MYO1D: variants seen among roughly 807,000 people sequenced by gnomAD.
The protein encoded by MYO1D is unconventional myosin-Id.
A neutral mutation model predicts 122.0 loss-of-function variants in MYO1D; 83 were observed. The observed-to-expected ratio is 0.68, with a 90% CI of 0.57 to 0.82. The LOEUF is 0.82. Ranked by LOEUF, MYO1D falls within the 40% of genes least tolerant of loss-of-function variation. The pLI is 0.00. For synonymous variants in MYO1D, 464 were observed against 446.9 expected, an observed-to-expected ratio of 1.04 and a Z score of -0.48; for missense variants, 1,157 against 1,269.5, an observed-to-expected ratio of 0.91 and a Z score of 1.35.
chr17:32,876,292 GAAGA>G (rs1358946831), intron 1 of MYO1D, among the ~76,000 whole-genome samples: 1 of 152,040 alleles, frequency 6.6e-6, no homozygotes, highest in African/African-American at 2.4e-5. Flanking sequence ...AAAGAAGGGC[GAAGA>G]AAGAAAGAAA....
chr17:32,826,916 A>G (rs1232867950), intron 1 of MYO1D, among the ~76,000 whole-genome samples: 2 of 152,230 alleles, frequency 1.3e-5, no homozygotes, highest in Non-Finnish European at 2.9e-5. Flanking sequence ...ATGGGAATGT[A>G]AAATATAAAA....
intron 16 of MYO1D, among the ~76,000 whole-genome samples, chr17:32,695,324 G>A (rs944264352): frequency 3.0e-4 from 45 of 152,218 alleles, no homozygotes; most frequent in Non-Finnish European, 5.1e-4. Context: ...CGGAGCTCAG[G>A]TGGTAATGTT....
At position 32,719,912 on chromosome 17, in the gene MYO1D, C is replaced by T. The variant is rs151049086; in HGVS notation, c.1913+1111G>A. Reference sequence around the variant, plus strand: ...TGGACTACATTTGGCATCTAAAATGCCTCACTTACTACCACAATAGAGCCT... The same window carrying T: ...TGGACTACATTTGGCATCTAAAATGTCTCACTTACTACCACAATAGAGCCT... On this transcript the variant is annotated intron_variant, in intron 15 of 21. Coordinates refer to ENST00000318217, the MANE Select transcript of MYO1D (RefSeq NM_015194.3). 1.2e-3 allele frequency among the ~76,000 whole-genome samples: 188 copies of T among 152,292 alleles called. 1 individual carries two copies. Among genetic ancestry groups the T allele is most frequent in the Middle Eastern group, 0.01 (3 of 294 alleles).
chr17:32,764,333 A>G (rs2090032583), intron 8 of MYO1D, among the ~76,000 whole-genome samples: 1 of 152,208 alleles, frequency 6.6e-6, no homozygotes, highest in Non-Finnish European at 1.5e-5. Flanking sequence ...GACAGGAAGA[A>G]TAATTTGTGG....
At chr17:32,657,252 T>A (rs2088490220) in intron 17 of MYO1D, among the ~76,000 whole-genome samples, 1 of 152,238 alleles carries the variant, frequency 6.6e-6, no homozygotes, top group South Asian at 2.1e-4. Context: ...AATGTTACAA[T>A]CACAGTAGAA....
intron 20 of MYO1D, 28 bp downstream of exon 20, chr17:32,638,694 T>A (rs2088143202): frequency 1.3e-6 from 2 of 1,506,010 alleles, no homozygotes; most frequent in African/African-American, 2.7e-5. Flanking sequence ...TAAGAATCTT[T>A]ATCCAGAGAG....
At chr17:32,816,349 C>T (rs79459624) in intron 1 of MYO1D, among the ~76,000 whole-genome samples, 2,255 of 152,186 alleles carry the variant, frequency 0.015, 44 homozygotes, top group African/African-American at 0.048. Context: ...CTGAGACAAA[C>T]GCAGGGCCCA....
At chr17:32,768,484 C>T (rs970816320) in intron 6 of MYO1D, among the ~76,000 whole-genome samples, 7 of 152,180 alleles carry the variant, frequency 4.6e-5, no homozygotes, top group Admixed American at 2.0e-4. Flanking sequence ...CAGCAGCAGC[C>T]GCAGAGGCTT....
intron 21 of MYO1D, among the ~76,000 whole-genome samples, chr17:32,511,335 C>T (rs1909690401): frequency 6.6e-6 from 1 of 152,034 alleles, no homozygotes. Context: ...GCAATCCTTC[C>T]ATTTCAGCCA....
intron 19 of MYO1D, among the ~76,000 whole-genome samples, chr17:32,643,018 C>T (rs1327321493): frequency 6.6e-6 from 1 of 152,192 alleles, no homozygotes; most frequent in Admixed American, 6.5e-5. Context: ...AAAGGGAATG[C>T]TTCCACTTTT....
intron 8 of MYO1D, 147 bp from the exon 9 acceptor site, chr17:32,760,774 T>G: frequency 1.2e-6 from 1 of 817,004 alleles, no homozygotes; most frequent in African/African-American, 1.7e-5. Flanking sequence ...AAATGTAGAC[T>G]GTCCATTTAA....
At chr17:32,535,357 C>T (rs527553816) in intron 21 of MYO1D, among the ~76,000 whole-genome samples, 37 of 152,314 alleles carry the variant, frequency 2.4e-4, no homozygotes, top group South Asian at 4.1e-4. Context: ...GCACTTGCAA[C>T]GTAAACCATG....
At chr17:32,721,249 A>C (rs994570536) in intron 14 of MYO1D, 60 bp from the exon 15 acceptor site, 10 of 1,490,100 alleles carry the variant, frequency 6.7e-6, no homozygotes, top group Non-Finnish European at 9.3e-6. Context: ...AGCTAGGGAC[A>C]CTAACATGTA....
Position 32,639,361 on chromosome 17 carries a change from TTTTGTGTGTG to T in MYO1D, c.2596-536_2596-527del, listed in dbSNP as rs1331885049. On this transcript the variant is annotated intron_variant, in intron 19 of 21. Transcript: ENST00000318217. ...AACTAGATTATGAGATTGGGAGAAA[TTTTGTGTGTG>T]TGTGTGTGTGTGTGTGTGTGTGTGT... Among the ~76,000 whole-genome samples, 433 of 65,720 alleles carry T rather than the reference TTTTGTGTGTG, an allele frequency of 6.6e-3. 8 individuals are homozygous for T. The highest frequency in any genetic ancestry group is 0.017 in the African/African-American group (394 of 23,226). The allele number at this position is 65,720 out of a possible 152,430, so 43.1% of individuals were successfully genotyped here.
rs141937962 is a variant in MYO1D at position 32,664,991 on chromosome 17, C to T, written c.2122-5653G>A. Among the ~76,000 whole-genome samples, 98 of 152,220 alleles carry T rather than the reference C, an allele frequency of 6.4e-4. 1 individual carries two copies. The East Asian group carries it at 0.017, about 27-fold the overall frequency. ...CGCTGTCCTCTCCCCTGCTCGCTCC[C>T]GCCATACTGGCCTCCCTGCTGGACC... is the stretch of plus-strand genomic sequence containing the variant. On this transcript the variant is annotated intron_variant, in intron 16 of 21. Transcript: ENST00000318217.
At chr17:32,804,215 GTTGTTATACTAT>G (rs2090487472) in intron 1 of MYO1D, among the ~76,000 whole-genome samples, 1 of 152,090 alleles carries the variant, frequency 6.6e-6, no homozygotes, top group Non-Finnish European at 1.5e-5. Context: ...GATGTAAACA[GTTGTTATACTAT>G]ATTTTGGGGG....
chr17:32,835,095 A>G lies in MYO1D; in HGVS notation c.95+41683T>C, dbSNP rs188028941. On this transcript the variant is annotated intron_variant, in intron 1 of 21. Transcript: ENST00000318217. ...AAAGGATATATACAAGGTCCTGCAC[A>G]GTCTGGTCCCAAACATACCTTGACA... Among the ~76,000 whole-genome samples, 298 of 152,108 alleles carry G rather than the reference A, an allele frequency of 2.0e-3. 3 individuals carry two copies. The highest frequency in any genetic ancestry group is 7.0e-3 in the African/African-American group (289 of 41,490).
intron 4 of MYO1D, among the ~76,000 whole-genome samples, chr17:32,773,813 G>A (rs1037280601): frequency 4.3e-4 from 65 of 152,174 alleles, no homozygotes; most frequent in African/African-American, 9.6e-4. Flanking sequence ...AATTATTGTC[G>A]TACAATGGGC....
chr17:32,663,107 C>T (rs1282883781), intron 16 of MYO1D, among the ~76,000 whole-genome samples: 3 of 152,036 alleles, frequency 2.0e-5, no homozygotes, highest in South Asian at 2.1e-4. Context: ...TTAGTAGAGA[C>T]GGGGTTTCAC....
Sources: allele counts gnomAD v4.1 joint callset (sites outside exome capture counted in the v4.1 genomes callset), GRCh38; gene constraint gnomAD v4.1.1; transcripts MANE v1.5; gene names NCBI Gene and HGNC (gene_info 2026-07-23, HGNC 2026-07-21).